The following RPS6KC1 variants were observed in gnomAD, a reference collection of about 807,000 sequenced individuals.
RPS6KC1 encodes ribosomal protein S6 kinase C1.
Under a neutral mutation model 103.8 loss-of-function variants are expected in RPS6KC1, and 54 were observed. The observed-to-expected ratio is 0.52, with a 90% CI of 0.42 to 0.65. RPS6KC1 has a LOEUF of 0.65. Among genes scored for constraint, RPS6KC1 ranks in the 30% least tolerant of loss-of-function variants. The pLI is 0.00. For missense variants in RPS6KC1, 1,151 were observed against 1,253.8 expected (o/e 0.92, Z 1.24); for synonymous variants, 439 against 438.7 (o/e 1.00, Z -0.01).
the RPS6KC1 span, among the ~76,000 whole-genome samples, chr1:213,665,088 G>C: frequency 2.0e-5 from 3 of 151,830 alleles, no homozygotes; most frequent in Non-Finnish European, 4.4e-5. Context: ...TCATTTTACA[G>C]ATACACAATA....
At chr1:213,340,829 G>A in the RPS6KC1 span, among the ~76,000 whole-genome samples, 1 of 148,146 alleles carries the variant, frequency 6.8e-6, no homozygotes, top group South Asian at 2.1e-4. Context: ...TGAGATGTGA[G>A]GGCAGGCGGG....
chr1:213,574,777 T>C, the RPS6KC1 span, among the ~76,000 whole-genome samples: 1 of 151,968 alleles, frequency 6.6e-6, no homozygotes, highest in Non-Finnish European at 1.5e-5. Flanking sequence ...CCCAGCTTGA[T>C]TTGGTGTTAG....
chr1:213,219,844 C>T (rs1408029684), intron 8 of RPS6KC1, among the ~76,000 whole-genome samples: 1 of 125,448 alleles, frequency 8.0e-6, no homozygotes, highest in African/African-American at 3.2e-5. Flanking sequence ...ACATCACACA[C>T]CGGGGCCTGT....
At chr1:213,102,337 C>G (rs544938076) in intron 3 of RPS6KC1, among the ~76,000 whole-genome samples, 3 of 152,262 alleles carry the variant, frequency 2.0e-5, no homozygotes, top group Admixed American at 1.3e-4. Flanking sequence ...TCCTTCTGGC[C>G]TCAGCCTCCT....
the RPS6KC1 span, among the ~76,000 whole-genome samples, chr1:213,848,896 G>T: frequency 7.2e-5 from 11 of 152,258 alleles, no homozygotes; most frequent in South Asian, 2.3e-3. Context: ...GGTTTGAGGG[G>T]AGAGGAATCC....
At chr1:213,694,508 TTAAC>T in the RPS6KC1 span, among the ~76,000 whole-genome samples, 1 of 152,196 alleles carries the variant, frequency 6.6e-6, no homozygotes, top group Non-Finnish European at 1.5e-5. Flanking sequence ...AGGTGACAAT[TTAAC>T]TATATGTTAA....
intron 6 of RPS6KC1, among the ~76,000 whole-genome samples, chr1:213,142,425 G>C (rs1222881613): frequency 1.3e-5 from 2 of 152,038 alleles, no homozygotes; most frequent in Non-Finnish European, 2.9e-5. Context: ...TGGATGTAAG[G>C]AGACACTCTG....
the RPS6KC1 span, among the ~76,000 whole-genome samples, chr1:213,854,554 T>TTCTTTCTC: frequency 9.2e-5 from 10 of 108,418 alleles, no homozygotes; most frequent in African/African-American, 1.4e-4. Context: ...CTTTCTTTCT[T>TTCTTTCTC]TCTTTCTTTC....
intron 10 of RPS6KC1, among the ~76,000 whole-genome samples, chr1:213,240,404 AT>A (rs1351227478): frequency 3.3e-5 from 5 of 152,118 alleles, no homozygotes; most frequent in Non-Finnish European, 7.4e-5. Context: ...TTAGAGTAGA[AT>A]TTTAGCTGTG....
At chr1:213,698,557 A>T in the RPS6KC1 span, among the ~76,000 whole-genome samples, 2 of 152,308 alleles carry the variant, frequency 1.3e-5, no homozygotes, top group Non-Finnish European at 2.9e-5. Context: ...TCACTAAAGT[A>T]GTCTCAATCT....
the RPS6KC1 span, among the ~76,000 whole-genome samples, chr1:213,615,665 C>T: frequency 1.8e-4 from 27 of 152,370 alleles, no homozygotes; most frequent in South Asian, 1.0e-3. Context: ...CCTCCATCAC[C>T]GTGTGTTCCA....
chr1:213,841,493 A>G, the RPS6KC1 span: 1 of 152,222 alleles, frequency 6.6e-6, no homozygotes, highest in Admixed American at 6.5e-5. Context: ...CTGACAGCCA[A>G]GCAAACCATG....
At chr1:213,748,500 C>CAGAGGG in the RPS6KC1 span, among the ~76,000 whole-genome samples, 1 of 152,150 alleles carries the variant, frequency 6.6e-6, no homozygotes, top group East Asian at 1.9e-4. Context: ...CCTCTGATAT[C>CAGAGGG]CTCATTGTAA....
intron 4 of RPS6KC1, among the ~76,000 whole-genome samples, chr1:213,112,552 T>A (rs183900953): frequency 0.014 from 2,122 of 151,506 alleles, 32 homozygotes; most frequent in African/African-American, 0.032. Context: ...ACTTTTTTTT[T>A]ATTTTTATTT....
the RPS6KC1 span, among the ~76,000 whole-genome samples, chr1:213,673,685 GT>G: frequency 2.0e-5 from 3 of 152,162 alleles, no homozygotes; most frequent in Admixed American, 2.0e-4. Context: ...GTATTATGTG[GT>G]TTCAGAATGT....
At chr1:213,686,405 C>G in the RPS6KC1 span, among the ~76,000 whole-genome samples, 1 of 152,126 alleles carries the variant, frequency 6.6e-6, no homozygotes, top group Non-Finnish European at 1.5e-5. Flanking sequence ...GGCCACTCAC[C>G]CATCGACCCA....
the RPS6KC1 span, among the ~76,000 whole-genome samples, chr1:213,738,572 A>C: frequency 0.022 from 3,279 of 152,238 alleles, 124 homozygotes; most frequent in African/African-American, 0.074. Flanking sequence ...GAACAGAAAA[A>C]TTAAAAAATG....
chr1:213,135,922 C>G (rs940570779), intron 6 of RPS6KC1, among the ~76,000 whole-genome samples: 1 of 152,194 alleles, frequency 6.6e-6, no homozygotes, highest in African/African-American at 2.4e-5. Context: ...AGGTAATTCT[C>G]TTTCAGGTTT....
At chr1:213,586,270 G>A in the RPS6KC1 span, among the ~76,000 whole-genome samples, 1 of 152,200 alleles carries the variant, frequency 6.6e-6, no homozygotes, top group African/African-American at 2.4e-5. Flanking sequence ...AACAGACCAA[G>A]ACTTCATTTA....
Sources: gnomAD v4.1 joint callset for allele counts (sites outside exome capture counted in the v4.1 genomes callset) on GRCh38, gnomAD v4.1.1 for gene constraint, MANE v1.5 for transcripts, NCBI Gene and HGNC (gene_info 2026-07-23, HGNC 2026-07-21) for gene names.